ZNF385D: variants seen among roughly 807,000 people sequenced by gnomAD.
ZNF385D encodes zinc finger protein 659.
In ZNF385D, 15 loss-of-function variants were observed where a neutral mutation model predicts 35.8. That is an observed-to-expected ratio of 0.42 (90% CI 0.28 to 0.64). The LOEUF is 0.64. ZNF385D is among the 30% of genes least tolerant of loss of function. The pLI is 0.23. For synonymous variants in ZNF385D, 212 were observed against 186.8 expected (o/e 1.13, Z -1.10); for missense variants, 474 against 494.6 (o/e 0.96, Z 0.39).
chr3:22,234,184 C>A (rs1053088978), intron 2 of ZNF385D, among the ~76,000 whole-genome samples: 2 of 152,118 alleles, frequency 1.3e-5, no homozygotes, highest in African/African-American at 4.8e-5. Flanking sequence ...TCATATTCAA[C>A]TGGACTCAGA....
intron 2 of ZNF385D, among the ~76,000 whole-genome samples, chr3:22,370,007 T>C (rs952647659): frequency 6.6e-6 from 1 of 152,216 alleles, no homozygotes; most frequent in Non-Finnish European, 1.5e-5. Flanking sequence ...TTCGTTACTA[T>C]AGATGAAACA....
intron 1 of ZNF385D, among the ~76,000 whole-genome samples, chr3:21,700,190 T>C (rs764230928): frequency 2.0e-5 from 3 of 151,746 alleles, no homozygotes; most frequent in South Asian, 2.1e-4. Context: ...CGGGGCCAGG[T>C]TGTGGGGGTA....
At chr3:22,137,170 C>A (rs777014083) in intron 3 of ZNF385D, among the ~76,000 whole-genome samples, 3 of 152,102 alleles carry the variant, frequency 2.0e-5, no homozygotes, top group Non-Finnish European at 2.9e-5. Flanking sequence ...TTTCTGTAAA[C>A]CTCAACTACT....
At chr3:21,711,858 G>T (rs13084563) in intron 1 of ZNF385D, among the ~76,000 whole-genome samples, 77,072 of 151,902 alleles carry the variant, frequency 0.51, 20,069 homozygotes, top group African/African-American at 0.63. Context: ...TCTACCTTTT[G>T]CATATCATTA....
chr3:21,923,395 T>C (rs1219722737), intron 3 of ZNF385D, among the ~76,000 whole-genome samples: 3 of 152,182 alleles, frequency 2.0e-5, no homozygotes, highest in Non-Finnish European at 4.4e-5. Context: ...AGTGAATGTT[T>C]ATACACTGTT....
chr3:22,168,301 A>G (rs930118498), intron 3 of ZNF385D, among the ~76,000 whole-genome samples: 3 of 152,214 alleles, frequency 2.0e-5, no homozygotes, highest in Middle Eastern at 3.4e-3. Flanking sequence ...ACATACTTTT[A>G]AAAAGTAGTC....
chr3:21,967,245 C>G (rs529795391), intron 3 of ZNF385D, among the ~76,000 whole-genome samples: 5 of 152,000 alleles, frequency 3.3e-5, no homozygotes, highest in Non-Finnish European at 7.4e-5. Context: ...TAAATAATTT[C>G]TGGTCTTTTC....
At chr3:22,290,311 C>CCA (rs911634811) in intron 2 of ZNF385D, among the ~76,000 whole-genome samples, 1 of 152,134 alleles carries the variant, frequency 6.6e-6, no homozygotes, top group Non-Finnish European at 1.5e-5. Flanking sequence ...TCAGACCACA[C>CCA]CACACCCAAA....
intron 3 of ZNF385D, among the ~76,000 whole-genome samples, chr3:21,761,483 T>C (rs530458248): frequency 6.6e-6 from 1 of 152,296 alleles, no homozygotes; most frequent in African/African-American, 2.4e-5. Context: ...AGATATAGGA[T>C]CCTGGAAGCC....
At chr3:21,477,922 A>T (rs1343837686) in intron 4 of ZNF385D, among the ~76,000 whole-genome samples, 1 of 152,184 alleles carries the variant, frequency 6.6e-6, no homozygotes, top group East Asian at 1.9e-4. Flanking sequence ...CAAATGTCTC[A>T]ATGATAGTGA....
chr3:21,795,646 G>C (rs1292350598), intron 3 of ZNF385D, among the ~76,000 whole-genome samples: 1 of 152,114 alleles, frequency 6.6e-6, no homozygotes, highest in Admixed American at 6.5e-5. Flanking sequence ...TCTCCTAGTG[G>C]GAGAAAAATA....
At chr3:21,523,406 A>G (rs915184353) in intron 3 of ZNF385D, among the ~76,000 whole-genome samples, 1 of 152,232 alleles carries the variant, frequency 6.6e-6, no homozygotes, top group Non-Finnish European at 1.5e-5. Context: ...TATCCTTCAG[A>G]GGACATAAGA....
At chr3:22,334,719 TTTTA>T (rs2125466589) in intron 2 of ZNF385D, among the ~76,000 whole-genome samples, 1 of 152,284 alleles carries the variant, frequency 6.6e-6, no homozygotes, top group Non-Finnish European at 1.5e-5. Context: ...TTTACCCTAC[TTTTA>T]TTATTTTTTT....
chr3:21,554,824 C>A (rs1426806094), intron 3 of ZNF385D, among the ~76,000 whole-genome samples: 2 of 152,140 alleles, frequency 1.3e-5, no homozygotes, highest in Non-Finnish European at 2.9e-5. Flanking sequence ...CCAACCACTT[C>A]CAGCTTCAGA....
chr3:22,156,902 C>A (rs747409329), intron 3 of ZNF385D, among the ~76,000 whole-genome samples: 14 of 152,130 alleles, frequency 9.2e-5, no homozygotes, highest in Non-Finnish European at 1.5e-4. Context: ...TTACCCACTT[C>A]ATTTAAACAG....
intron 3 of ZNF385D, among the ~76,000 whole-genome samples, chr3:22,073,125 G>C (rs1046695497): frequency 6.6e-6 from 1 of 152,026 alleles, no homozygotes; most frequent in Non-Finnish European, 1.5e-5. Flanking sequence ...TGGAAAGGCT[G>C]AAGGTGCCCT....
intron 2 of ZNF385D, among the ~76,000 whole-genome samples, chr3:22,298,486 TATATA>T (rs1180714548): frequency 1.4e-5 from 2 of 145,776 alleles, no homozygotes; most frequent in African/African-American, 5.0e-5. Context: ...AAAACATTTA[TATATA>T]ATATATAAAT....
intron 7 of ZNF385D, 57 bp from the exon 8 acceptor site, chr3:21,421,504 A>G: frequency 7.6e-7 from 1 of 1,310,076 alleles, no homozygotes; most frequent in Non-Finnish European, 1.1e-6. Context: ...TTGTACTTAA[A>G]ACCCAAAATG....
At chr3:21,957,187 G>A (rs1702338175) in intron 3 of ZNF385D, 1 of 153,672 alleles carries the variant, frequency 6.5e-6, no homozygotes, top group Admixed American at 6.5e-5. Context: ...CCAGCCATGT[G>A]GAACTGTAAG....
Sources: gnomAD v4.1 joint callset for allele counts (sites outside exome capture counted in the v4.1 genomes callset) on GRCh38, gnomAD v4.1.1 for gene constraint, MANE v1.5 for transcripts, NCBI Gene and HGNC (gene_info 2026-07-23, HGNC 2026-07-21) for gene names.